Variants in CSGALNACT2 observed in about 807,000 individuals in gnomAD.
CSGALNACT2 encodes beta 4 GalNAcT-2.
Under a neutral mutation model 55.3 loss-of-function variants are expected in CSGALNACT2, and 35 were observed. The observed-to-expected ratio is 0.63, with a 90% CI of 0.48 to 0.84. The LOEUF (loss-of-function observed/expected upper bound fraction) is 0.84. Ranked by LOEUF, CSGALNACT2 falls within the 40% of genes least tolerant of loss-of-function variation. The pLI, the probability that CSGALNACT2 is intolerant of heterozygous loss-of-function variation, is 0.00. For synonymous variants in CSGALNACT2, 196 were observed against 224.9 expected (o/e 0.87, Z 1.15); for missense variants, 544 against 657.5 (o/e 0.83, Z 1.89).
rs1839643391 is a variant in CSGALNACT2, at chr10:43,183,956, G to A, written c.*414G>A. Reference sequence around the variant, plus strand: ...ATGGAGCGTTATGAGCATAGTATGTGGATAGGTATCTTCACCTGCCCGCCC... The same window carrying A: ...ATGGAGCGTTATGAGCATAGTATGTAGATAGGTATCTTCACCTGCCCGCCC... On this transcript the variant is annotated 3_prime_UTR_variant, in exon 8 of 8. Coordinates refer to ENST00000374466, the MANE Select transcript of CSGALNACT2 (RefSeq NM_018590.5). The A allele has an allele frequency of 5.9e-6, 1 of 170,666 alleles. No homozygotes were observed. The highest frequency in any genetic ancestry group is 2.4e-5 in the African/African-American group (1 of 41,934). 10.6% of individuals were successfully genotyped at this position (170,666 alleles called of 1,614,324 possible).
chr10:43,144,258 A>G (rs1054948063), intron 1 of CSGALNACT2, among the ~76,000 whole-genome samples: 1 of 152,242 alleles, frequency 6.6e-6, no homozygotes, highest in Non-Finnish European at 1.5e-5. Flanking sequence ...CATGCAATGT[A>G]CATGTCCTGG....
intron 6 of CSGALNACT2, among the ~76,000 whole-genome samples, chr10:43,174,778 T>TTTATTACTA (rs1326198538): frequency 6.6e-6 from 1 of 152,228 alleles, no homozygotes; most frequent in Non-Finnish European, 1.5e-5. Context: ...TGTATATTTA[T>TTTATTACTA]TTATTTACTA....
At chr10:43,178,590 C>T (rs986737213) in intron 7 of CSGALNACT2, among the ~76,000 whole-genome samples, 16 of 144,060 alleles carry the variant, frequency 1.1e-4, no homozygotes, top group African/African-American at 4.1e-4. Context: ...CACTGCACTC[C>T]AGCCTGGGCA....
chr10:43,165,937 G>A (rs1396493970), intron 5 of CSGALNACT2, among the ~76,000 whole-genome samples: 3 of 151,948 alleles, frequency 2.0e-5, no homozygotes, highest in East Asian at 1.9e-4. Flanking sequence ...AGCTGAGATC[G>A]CCAGCCTGGG....
chr10:43,183,305 A>C lies in CSGALNACT2; in HGVS notation c.1392A>C (p.Arg464=). The C allele has an allele frequency of 6.2e-7, 1 of 1,613,868 alleles. No individual in the cohort carries two copies. The highest frequency in any genetic ancestry group is 8.5e-7 in the Non-Finnish European group (1 of 1,179,778). Residue 464 remains arginine, a synonymous_variant, in exon 8 of 8, where the codon CGA becomes CGC. Coordinates refer to ENST00000374466, the MANE Select transcript of CSGALNACT2 (RefSeq NM_018590.5). The stretch of plus-strand genomic sequence containing the variant: ...GTGGAGAAGATGTTCATCTTTATCG[A>C]AAATACTTACATGGTGACCTCATTG... ...GWGGEDVHLY[R]KYLHGDLIVI...
chr10:43,166,689 T>C (rs2133135019), intron 5 of CSGALNACT2, among the ~76,000 whole-genome samples: 1 of 152,358 alleles, frequency 6.6e-6, no homozygotes, highest in East Asian at 1.9e-4. Flanking sequence ...CGTTTATTAC[T>C]ACTGATTAGA....
At chr10:43,163,571 A>G (rs563186256) in intron 4 of CSGALNACT2, 2 of 985,394 alleles carry the variant, frequency 2.0e-6, no homozygotes, top group South Asian at 4.7e-5. Flanking sequence ...CTATTTTTCC[A>G]TTTGTGTATT....
intron 7 of CSGALNACT2, among the ~76,000 whole-genome samples, chr10:43,178,478 A>G (rs909875645): frequency 6.6e-6 from 1 of 152,012 alleles, no homozygotes; most frequent in African/African-American, 2.4e-5. Context: ...AAAATTAGCC[A>G]GGCGTGGTGG....
chr10:43,151,488 G>T (rs903848820), intron 1 of CSGALNACT2, among the ~76,000 whole-genome samples: 29 of 152,142 alleles, frequency 1.9e-4, no homozygotes, highest in African/African-American at 6.5e-4. Flanking sequence ...CAGTCTGTCT[G>T]TTGGGAACAT....
chr10:43,157,381 A>T (rs1173475021), intron 2 of CSGALNACT2, among the ~76,000 whole-genome samples: 1 of 152,138 alleles, frequency 6.6e-6, no homozygotes, highest in African/African-American at 2.4e-5. Flanking sequence ...CTTTTCCTCT[A>T]CTGTGCCACT....
chr10:43,146,044 G>A (rs1401521306), intron 1 of CSGALNACT2, among the ~76,000 whole-genome samples: 1 of 152,028 alleles, frequency 6.6e-6, no homozygotes, highest in Non-Finnish European at 1.5e-5. Context: ...TATTAGTCTG[G>A]GTTCTCTAGA....
At chr10:43,179,247 C>CA (rs1343573171) in intron 7 of CSGALNACT2, among the ~76,000 whole-genome samples, 1 of 145,408 alleles carries the variant, frequency 6.9e-6, no homozygotes, top group Non-Finnish European at 1.5e-5. Context: ...TGTTGCTTGC[C>CA]GGTTTTTTTT....
At chr10:43,179,831 C>T (rs1839556121) in intron 7 of CSGALNACT2, among the ~76,000 whole-genome samples, 2 of 152,228 alleles carry the variant, frequency 1.3e-5, no homozygotes, top group African/African-American at 4.8e-5. Flanking sequence ...CCAGCCTCCT[C>T]TTAATTGCTT....
In CSGALNACT2 at chr10:43,139,326, T is replaced by C. The variant is rs555022505; in HGVS notation, c.-254+759T>C. Among the ~76,000 whole-genome samples the C allele has an allele frequency of 2.0e-5, 3 of 152,346 alleles. No homozygotes were observed. In the South Asian group the frequency reaches 6.2e-4, roughly 32 times the overall value. On this transcript the variant is annotated intron_variant, in intron 1 of 7. Coordinates refer to ENST00000374466, the MANE Select transcript of CSGALNACT2 (RefSeq NM_018590.5). ...AGTAAGAAGCCAAGTATTTTAGGACTGAGTGTTAGCGTTCATTTTGTATTA... is the reference window on the plus strand; with the variant it reads ...AGTAAGAAGCCAAGTATTTTAGGACCGAGTGTTAGCGTTCATTTTGTATTA...
rs1839537705 is a variant in CSGALNACT2, at chr10:43,179,032, C to T, written c.1336+3000C>T. Among the ~76,000 whole-genome samples, 4 of 152,206 alleles carry T rather than the reference C, an allele frequency of 2.6e-5. No homozygotes were observed. In the South Asian group the frequency reaches 8.3e-4, roughly 32 times the overall value. ...CTCTAATGAATTTTTATTTCAGTTACTATAGTTTTTAACTTCAGAATTTCT... is the reference window on the plus strand; with the variant it reads ...CTCTAATGAATTTTTATTTCAGTTATTATAGTTTTTAACTTCAGAATTTCT... On this transcript the variant is annotated intron_variant, in intron 7 of 7. Coordinates refer to ENST00000374466, the MANE Select transcript of CSGALNACT2 (RefSeq NM_018590.5).
chr10:43,166,932 AATAG>A (rs1839276777), intron 5 of CSGALNACT2, 68 bp from the exon 6 acceptor site: 2 of 831,794 alleles, frequency 2.4e-6, no homozygotes, highest in East Asian at 2.6e-5. Flanking sequence ...GATAAAACTT[AATAG>A]ATATTGCAAT....
chr10:43,182,335 C>T (rs1410136240), intron 7 of CSGALNACT2, among the ~76,000 whole-genome samples: 2 of 152,158 alleles, frequency 1.3e-5, no homozygotes, highest in Non-Finnish European at 2.9e-5. Flanking sequence ...TCTCCCTCAC[C>T]TGGGGCCACT....
intron 1 of CSGALNACT2, among the ~76,000 whole-genome samples, chr10:43,147,782 CT>C (rs372639057): frequency 0.088 from 9,553 of 108,154 alleles, 150 homozygotes; most frequent in South Asian, 0.11. Context: ...GTCGAGTTAT[CT>C]TTTTTTTTTT....
At chr10:43,140,277 A>G (rs1367610683) in intron 1 of CSGALNACT2, among the ~76,000 whole-genome samples, 1 of 152,250 alleles carries the variant, frequency 6.6e-6, no homozygotes, top group Non-Finnish European at 1.5e-5. Context: ...TGACTGAGTC[A>G]TGGCATAAGC....
Sources: allele counts gnomAD v4.1 joint callset (sites outside exome capture counted in the v4.1 genomes callset), GRCh38; gene constraint gnomAD v4.1.1; transcripts MANE v1.5; gene names NCBI Gene and HGNC (gene_info 2026-07-23, HGNC 2026-07-21).